Variants in CNOT6 observed in about 807,000 individuals in gnomAD.
CNOT6 encodes the protein carbon catabolite repression 4 protein.
Under a neutral mutation model 61.2 loss-of-function variants are expected in CNOT6, and 12 were observed. The ratio of observed to expected loss-of-function variants is 0.20; its 90% CI spans 0.13 to 0.32. The LOEUF (loss-of-function observed/expected upper bound fraction) is 0.32. Among genes scored for constraint, CNOT6 ranks in the 10% least tolerant of loss-of-function variants. The pLI, the probability that CNOT6 is intolerant of heterozygous loss-of-function variation, is 1.00. For synonymous variants in CNOT6, 225 were observed against 240.6 expected (o/e 0.94, Z 0.60); for missense variants, 405 against 663.9 (o/e 0.61, Z 4.28).
At chr5:180,497,696 T>C (rs1293793674) in intron 1 of CNOT6, among the ~76,000 whole-genome samples, 1 of 152,208 alleles carries the variant, frequency 6.6e-6, no homozygotes, top group Non-Finnish European at 1.5e-5. Flanking sequence ...CCATTACTCA[T>C]ACAGTCATTT....
chr5:180,552,581 G>A (rs1349765304), intron 3 of CNOT6, among the ~76,000 whole-genome samples: 1 of 151,396 alleles, frequency 6.6e-6, no homozygotes, highest in Non-Finnish European at 1.5e-5. Flanking sequence ...GGGAGGCGGA[G>A]CTTGCAGTGA....
chr5:180,517,941 A>G (rs1485339190), intron 1 of CNOT6, among the ~76,000 whole-genome samples: 2 of 152,150 alleles, frequency 1.3e-5, no homozygotes, highest in African/African-American at 4.8e-5. Flanking sequence ...ACGTGTCTCC[A>G]TATTGTAATA....
chr5:180,509,915 G>A (rs1184920856), intron 1 of CNOT6, among the ~76,000 whole-genome samples: 1 of 150,668 alleles, frequency 6.6e-6, no homozygotes, highest in Non-Finnish European at 1.5e-5. Context: ...TTATCACGGG[G>A]TTCTGATACC....
intron 1 of CNOT6, among the ~76,000 whole-genome samples, chr5:180,510,123 C>T (rs75180502): frequency 0.019 from 2,007 of 104,078 alleles, 43 homozygotes; most frequent in African/African-American, 0.067. Flanking sequence ...TGAGGTTTAT[C>T]GTCTGTAAAC....
intron 2 of CNOT6, among the ~76,000 whole-genome samples, chr5:180,538,514 C>T (rs566374908): frequency 2.3e-4 from 34 of 151,016 alleles, no homozygotes; most frequent in African/African-American, 7.5e-4. Flanking sequence ...AGTGAACCTC[C>T]GTCTCTACTA....
chr5:180,524,462 TA>T (rs1758006884), intron 1 of CNOT6, among the ~76,000 whole-genome samples: 1 of 152,158 alleles, frequency 6.6e-6, no homozygotes, highest in Admixed American at 6.5e-5. Flanking sequence ...TTTTACTTCC[TA>T]ATTCTCAATC....
Position 180,568,559 on chromosome 5 carries a change from T to G in CNOT6, c.1028-551T>G, listed in dbSNP as rs979050398. Among the ~76,000 whole-genome samples, 10 of 151,014 alleles carry G rather than the reference T, an allele frequency of 6.6e-5. No individual in the cohort carries two copies. In the East Asian group the frequency reaches 1.7e-3, roughly 26 times the overall value. On this transcript the variant is annotated intron_variant, in intron 9 of 11. Coordinates refer to ENST00000261951, the MANE Select transcript of CNOT6 (RefSeq NM_001370472.1). ...AGAGTGAGACTCCTCAAAAAATAAA[T>G]AAATAAATAAATATAAATAAATAAA...
At chr5:180,542,885 A>G (rs1245090879) in intron 2 of CNOT6, among the ~76,000 whole-genome samples, 1 of 152,180 alleles carries the variant, frequency 6.6e-6, no homozygotes, top group Non-Finnish European at 1.5e-5. Context: ...GTAGATAGAT[A>G]TGAGATTATC....
chr5:180,568,889 T>C (rs1760606055), intron 9 of CNOT6, among the ~76,000 whole-genome samples: 1 of 152,180 alleles, frequency 6.6e-6, no homozygotes, highest in Non-Finnish European at 1.5e-5. Context: ...TAGGGCTATT[T>C]TTGTACAAGT....
At chr5:180,514,687 TC>T (rs1378197796) in intron 1 of CNOT6, among the ~76,000 whole-genome samples, 1 of 152,224 alleles carries the variant, frequency 6.6e-6, no homozygotes, top group African/African-American at 2.4e-5. Flanking sequence ...AGCTGTAAGA[TC>T]ATGCATTTCT....
chr5:180,507,594 C>T (rs1462381421), intron 1 of CNOT6, among the ~76,000 whole-genome samples: 1 of 146,094 alleles, frequency 6.8e-6, no homozygotes. Flanking sequence ...AAGAGCGAGA[C>T]TCCGTTTTAA....
In CNOT6 at chr5:180,575,813, T is replaced by G. The variant is rs1359805051; in HGVS notation, c.*1613T>G. On this transcript the variant is annotated 3_prime_UTR_variant, in exon 12 of 12. Coordinates refer to ENST00000261951, the MANE Select transcript of CNOT6 (RefSeq NM_001370472.1). ...GGCAGGGGAGCAAAAGGACGCCATGTGAGCATTAGGAAAAAAAATACTCAC... is the reference window on the plus strand; with the variant it reads ...GGCAGGGGAGCAAAAGGACGCCATGGGAGCATTAGGAAAAAAAATACTCAC... 1 of 152,448 alleles carries G rather than the reference T, an allele frequency of 6.6e-6. No individual in the cohort carries two copies. The highest frequency in any genetic ancestry group is 6.6e-5 in the Admixed American group (1 of 15,262). 9.4% of individuals were successfully genotyped at this position (152,448 alleles called of 1,614,324 possible). A position where few individuals can be genotyped will look rare whatever the true frequency, so the allele number is the denominator to read the frequency against.
intron 4 of CNOT6, among the ~76,000 whole-genome samples, chr5:180,561,071 C>T (rs568850643): frequency 1.3e-5 from 2 of 152,270 alleles, no homozygotes; most frequent in Admixed American, 6.5e-5. Context: ...CTACCTCAGC[C>T]TCCCAAGTAG....
intron 4 of CNOT6, among the ~76,000 whole-genome samples, chr5:180,559,613 G>A (rs1760068966): frequency 6.6e-6 from 1 of 152,166 alleles, no homozygotes; most frequent in African/African-American, 2.4e-5. Context: ...AAGTTAGGGT[G>A]TAAGTCGTAA....
In CNOT6 at chr5:180,503,411, GC is replaced by G. The variant is rs547049470; in HGVS notation, c.-3+8649del. On this transcript the variant is annotated intron_variant, in intron 1 of 11. Coordinates refer to ENST00000261951, the MANE Select transcript of CNOT6 (RefSeq NM_001370472.1). ...CCCGAGCAGCTGGGATTAGAGGTAC[GC>G]GCCACCATGCCTGGCTAATTTTTTG... Among the ~76,000 whole-genome samples, 111 of 151,664 alleles carry G rather than the reference GC, an allele frequency of 7.3e-4. No individual in the cohort carries two copies. The South Asian group carries it at 8.3e-3, about 11-fold the overall frequency.
At chr5:180,495,222 C>T (rs982538846) in intron 1 of CNOT6, among the ~76,000 whole-genome samples, 1 of 152,276 alleles carries the variant, frequency 6.6e-6, no homozygotes, top group African/African-American at 2.4e-5. Flanking sequence ...TGCTTACCCC[C>T]TCCCCTAAAA....
intron 2 of CNOT6, among the ~76,000 whole-genome samples, chr5:180,536,035 G>A (rs1456977270): frequency 4.4e-5 from 5 of 114,826 alleles, no homozygotes; most frequent in African/African-American, 1.7e-4. Context: ...TCACTCTGTT[G>A]CCCAGGCTGG....
chr5:180,548,429 C>CGG (rs1759422976), intron 2 of CNOT6, among the ~76,000 whole-genome samples: 2 of 152,146 alleles, frequency 1.3e-5, no homozygotes, highest in Non-Finnish European at 2.9e-5. Flanking sequence ...GTGGGGGGCC[C>CGG]CATCAGATCT....
intron 1 of CNOT6, among the ~76,000 whole-genome samples, chr5:180,496,947 A>G (rs984941715): frequency 2.0e-5 from 3 of 152,252 alleles, no homozygotes; most frequent in East Asian, 1.9e-4. Context: ...TTTTGAGCAG[A>G]CATAAGGTTG....
Sources: gnomAD v4.1 joint callset for allele counts (sites outside exome capture counted in the v4.1 genomes callset) on GRCh38, gnomAD v4.1.1 for gene constraint, MANE v1.5 for transcripts, NCBI Gene and HGNC (gene_info 2026-07-23, HGNC 2026-07-21) for gene names.